RBFOX1: variants seen among roughly 807,000 people sequenced by gnomAD.
RBFOX1 encodes the protein RNA binding fox-1 homolog 1, also known as RNA binding protein fox-1 homolog 1.
RBFOX1 carries 8 observed loss-of-function variants against 57.7 expected under a neutral mutation model. The ratio of observed to expected loss-of-function variants is 0.14; its 90% confidence interval spans 0.08 to 0.25. The LOEUF is 0.25. RBFOX1 is among the 10% of genes least tolerant of loss of function. The pLI, the probability that RBFOX1 is intolerant of heterozygous loss-of-function variation, is 1.00. For missense variants in RBFOX1, 611 were observed against 548.5 expected, an observed-to-expected ratio of 1.11 and a Z score of -1.14; for synonymous variants, 326 against 222.4, an observed-to-expected ratio of 1.47 and a Z score of -4.15.
intron 4 of RBFOX1, among the ~76,000 whole-genome samples, chr16:7,489,125 T>C (rs1046768446): frequency 6.6e-6 from 1 of 152,210 alleles, no homozygotes; most frequent in Non-Finnish European, 1.5e-5. Context: ...TCTGTCCAAA[T>C]CTCTCTGTTT....
At chr16:6,884,367 G>A (rs1603636415) in intron 3 of RBFOX1, among the ~76,000 whole-genome samples, 1 of 152,146 alleles carries the variant, frequency 6.6e-6, no homozygotes, top group African/African-American at 2.4e-5. Flanking sequence ...CTTGACAACA[G>A]TTGCTCTGCC....
intron 3 of RBFOX1, among the ~76,000 whole-genome samples, chr16:6,765,679 G>A (rs146355887): frequency 3.4e-4 from 52 of 152,260 alleles, no homozygotes; most frequent in African/African-American, 1.3e-3. Flanking sequence ...AAAGATGCCT[G>A]CTTGCATATA....
intron 3 of RBFOX1, among the ~76,000 whole-genome samples, chr16:5,862,745 T>C (rs1478415628): frequency 1.4e-4 from 22 of 152,134 alleles, no homozygotes; most frequent in Admixed American, 1.4e-3. Context: ...CTTGAGCCAT[T>C]TTGAGTTGTT....
intron 2 of RBFOX1, among the ~76,000 whole-genome samples, chr16:5,522,405 T>C (rs1333934005): frequency 6.6e-6 from 1 of 152,234 alleles, no homozygotes; most frequent in Non-Finnish European, 1.5e-5. Context: ...GAAGCCACAT[T>C]TTTTAACTGA....
At chr16:6,840,095 C>T (rs763571769) in intron 3 of RBFOX1, among the ~76,000 whole-genome samples, 6 of 152,110 alleles carry the variant, frequency 3.9e-5, no homozygotes, top group African/African-American at 9.7e-5. Context: ...CTGATCAGTA[C>T]TACTGAATTG....
intron 2 of RBFOX1, among the ~76,000 whole-genome samples, chr16:6,601,951 C>T (rs1418415435): frequency 6.6e-6 from 1 of 152,118 alleles, no homozygotes; most frequent in East Asian, 1.9e-4. Flanking sequence ...ATCATTAATT[C>T]AGACCATTCA....
At chr16:7,229,559 GAAGGGAGGGAGGGGAAGGAGA>G (rs2093355355) in intron 4 of RBFOX1, among the ~76,000 whole-genome samples, 1 of 145,110 alleles carries the variant, frequency 6.9e-6, no homozygotes, top group African/African-American at 2.6e-5. Flanking sequence ...AGAGAGGAAG[GAAGGGAGGGAGGGGAAGGAGA>G]AAGGGAGAGA....
chr16:5,629,798 A>C (rs2191094), intron 3 of RBFOX1, among the ~76,000 whole-genome samples: 3 of 152,154 alleles, frequency 2.0e-5, no homozygotes, highest in Admixed American at 6.5e-5. Context: ...AACAGAGCCA[A>C]ATGGCTAAGA....
chr16:6,159,732 T>C (rs1447000088), intron 1 of RBFOX1, among the ~76,000 whole-genome samples: 1 of 152,222 alleles, frequency 6.6e-6, no homozygotes, highest in Admixed American at 6.5e-5. Context: ...CTTCATTCTA[T>C]GTTTCCTTAA....
intron 2 of RBFOX1, among the ~76,000 whole-genome samples, chr16:5,498,267 C>T (rs2043069888): frequency 6.6e-6 from 1 of 152,140 alleles, no homozygotes. Context: ...TTCAGCTTCT[C>T]AACGAACTGG....
intron 4 of RBFOX1, among the ~76,000 whole-genome samples, chr16:7,393,610 G>T (rs57906052): frequency 0.081 from 12,300 of 152,062 alleles, 533 homozygotes; most frequent in East Asian, 0.2. Flanking sequence ...GGCAGAGGAA[G>T]GTATGGTTTC....
intron 1 of RBFOX1, among the ~76,000 whole-genome samples, chr16:6,280,518 G>A (rs762846610): frequency 1.3e-5 from 2 of 152,132 alleles, no homozygotes; most frequent in African/African-American, 4.8e-5. Flanking sequence ...GGGATTAAAA[G>A]CATTGCATTT....
intron 4 of RBFOX1, among the ~76,000 whole-genome samples, chr16:7,435,009 T>C (rs555359613): frequency 6.6e-6 from 1 of 152,248 alleles, no homozygotes; most frequent in South Asian, 2.1e-4. Context: ...CAAAGTGCTG[T>C]CTTGTTCACA....
intron 3 of RBFOX1, among the ~76,000 whole-genome samples, chr16:6,947,711 T>G (rs1406161314): frequency 6.6e-6 from 1 of 152,224 alleles, no homozygotes; most frequent in African/African-American, 2.4e-5. Flanking sequence ...TTTGCTGAAA[T>G]CTATTTATAA....
chr16:7,212,044 G>T (rs991416420), intron 4 of RBFOX1, among the ~76,000 whole-genome samples: 1 of 152,084 alleles, frequency 6.6e-6, no homozygotes, highest in Admixed American at 6.5e-5. Flanking sequence ...GAAAAGTGGG[G>T]CCAAGAAGGT....
intron 3 of RBFOX1, among the ~76,000 whole-genome samples, chr16:7,018,248 G>C (rs182271216): frequency 3.3e-5 from 5 of 152,168 alleles, no homozygotes; most frequent in African/African-American, 9.6e-5. Context: ...TGCATTCTAG[G>C]TGTTTCCTCC....
At chr16:5,405,888 A>G (rs1250818483) in intron 1 of RBFOX1, among the ~76,000 whole-genome samples, 1 of 152,108 alleles carries the variant, frequency 6.6e-6, no homozygotes, top group Non-Finnish European at 1.5e-5. Context: ...GAGTGATCCA[A>G]GTCATCTCCC....
intron 3 of RBFOX1, among the ~76,000 whole-genome samples, chr16:7,026,323 G>C (rs944405182): frequency 2.0e-5 from 3 of 152,138 alleles, no homozygotes; most frequent in Non-Finnish European, 4.4e-5. Flanking sequence ...TTTAATTAAC[G>C]GTTTAACTCG....
chr16:5,973,360 A>G (rs1399674400), intron 4 of RBFOX1, among the ~76,000 whole-genome samples: 4 of 152,188 alleles, frequency 2.6e-5, no homozygotes, highest in African/African-American at 9.7e-5. Context: ...CTCTTCACCA[A>G]CCTGCTATTT....
Sources: allele counts gnomAD v4.1 joint callset (sites outside exome capture counted in the v4.1 genomes callset), GRCh38; gene constraint gnomAD v4.1.1; transcripts MANE v1.5; gene names NCBI Gene and HGNC (gene_info 2026-07-23, HGNC 2026-07-21).